The following ZNF133 variants were observed in gnomAD, a reference collection of about 807,000 sequenced individuals.
The protein encoded by ZNF133 is zinc finger protein 133.
ZNF133 carries 26 observed loss-of-function variants against 54.9 expected under a neutral mutation model. That is an observed-to-expected ratio of 0.47 (90% CI 0.35 to 0.66). ZNF133 has a LOEUF of 0.66. Among genes scored for constraint, ZNF133 ranks in the 30% least tolerant of loss-of-function variants. The pLI, the probability that ZNF133 is intolerant of heterozygous loss-of-function variation, is 0.01. For missense variants in ZNF133, 653 were observed against 820.8 expected (o/e 0.80, Z 2.50); for synonymous variants, 298 against 320.3 (o/e 0.93, Z 0.74).
At chr20:18,296,736 C>A (rs2042307630) in intron 1 of ZNF133, among the ~76,000 whole-genome samples, 1 of 152,200 alleles carries the variant, frequency 6.6e-6, no homozygotes, top group Non-Finnish European at 1.5e-5. Context: ...CATGAGCGCA[C>A]AAGTATCTGT....
Position 18,316,758 on chromosome 20 carries a change from T to C in ZNF133, c.1907T>C (p.Val636Ala). The change falls in exon 7 of 7, where the codon GTG becomes GCG. Residue 636 changes from valine (V) to alanine (A), a missense_variant. Val to Ala is a moderately conservative substitution (Grantham distance 64). Transcript: ENST00000425686. Reference protein sequence around the residue: ...KTTSVHHRLPVQPDPEPCAGQ... With the variant: ...KTTSVHHRLPAQPDPEPCAGQ... Reference sequence around the variant, plus strand: ...ACGTCTGTCCACCACAGACTGCCAGTGCAGCCCGACCCTGAGCCGTGTGCA... The same window carrying C: ...ACGTCTGTCCACCACAGACTGCCAGCGCAGCCCGACCCTGAGCCGTGTGCA... The C allele has an allele frequency of 3.1e-6, 5 of 1,614,210 alleles. No individual in the cohort carries two copies. The highest frequency in any genetic ancestry group is 4.2e-6 in the Non-Finnish European group (5 of 1,180,022).
chr20:18,300,042 G>A (rs1041659149), intron 3 of ZNF133, among the ~76,000 whole-genome samples: 1 of 152,154 alleles, frequency 6.6e-6, no homozygotes, highest in African/African-American at 2.4e-5. Flanking sequence ...TACACAGGTA[G>A]TAATATAAGC....
chr20:18,289,410 T>C (rs1260821129), intron 1 of ZNF133, among the ~76,000 whole-genome samples: 1 of 152,218 alleles, frequency 6.6e-6, no homozygotes, highest in African/African-American at 2.4e-5. Flanking sequence ...TAGAACTCTA[T>C]AGACCAGATC....
intron 1 of ZNF133, among the ~76,000 whole-genome samples, chr20:18,290,497 C>G (rs948781909): frequency 6.6e-6 from 1 of 152,158 alleles, no homozygotes; most frequent in Admixed American, 6.5e-5. Flanking sequence ...AACATAACCA[C>G]AATTTCATTG....
chr20:18,316,616 C>T lies in ZNF133; in HGVS notation c.1765C>T (p.Gln589Ter). ...CAGAGAGTGTGGCCAAGGCTTTCTC[C>T]AAAAGTCACACCTCACCTTACATCA... ...VCRECGQGFLQKSHLTLHQMT... is the reference protein window; with the variant it reads ...VCRECGQGFL Residue 589 changes from glutamine (Q) to a stop codon, truncating the protein, a stop_gained, in exon 7 of 7, where the codon CAA becomes TAA. Coordinates refer to ENST00000425686, the MANE Select transcript of ZNF133 (RefSeq NM_001352452.2). LOFTEE classifies it high-confidence loss of function. 1 of 1,614,000 alleles carries T rather than the reference C, an allele frequency of 6.2e-7. No individual in the cohort carries two copies.
At chr20:18,311,382 A>G (rs1210407464) in intron 6 of ZNF133, among the ~76,000 whole-genome samples, 1 of 152,184 alleles carries the variant, frequency 6.6e-6, no homozygotes, top group Non-Finnish European at 1.5e-5. Flanking sequence ...TAGAGCTTTT[A>G]TTTCTAAGTT....
chr20:18,302,316 T>C (rs2043537430), intron 3 of ZNF133, among the ~76,000 whole-genome samples: 1 of 151,362 alleles, frequency 6.6e-6, no homozygotes, highest in African/African-American at 2.4e-5. Flanking sequence ...GGCAGGAGAA[T>C]TGCTTGGACC....
chr20:18,316,552 ACACAAGCGGGCT>A lies in ZNF133; in HGVS notation c.1705_1716del (p.Lys569_His572del). 6.2e-7 allele frequency: 1 copy of A among 1,614,000 alleles called. No homozygotes were observed. The highest frequency in any genetic ancestry group is 8.5e-7 in the Non-Finnish European group (1 of 1,179,890). On this transcript the variant is annotated inframe_deletion, in exon 7 of 7. Coordinates refer to ENST00000425686, the MANE Select transcript of ZNF133 (RefSeq NM_001352452.2). The stretch of plus-strand genomic sequence containing the variant: ...TTGGCAATAAGTCAGCTCTAATTAC[ACACAAGCGGGCT>A]CACTCGGAAGAGAAGCCTTGTGTGT...
chr20:18,315,389 G>A lies in ZNF133; in HGVS notation c.538G>A (p.Gly180Ser), dbSNP rs540051668. ...PQRQPVSSRNGLRGVELEASP... is the reference protein window; with the variant it reads ...PQRQPVSSRNSLRGVELEASP... ...GAGGCAGCCAGTCAGCTCTCGGAAC[G>A]GCCTCAGAGGGGTGGAGTTAGAAGC... is the stretch of plus-strand genomic sequence containing the variant. Residue 180 changes from glycine to serine, a missense_variant, in exon 7 of 7, where the codon GGC becomes AGC. By Grantham distance (56) the Gly-to-Ser change is moderately conservative (BLOSUM62 0). Transcript: ENST00000425686. 23 of 1,614,184 alleles carry A rather than the reference G, an allele frequency of 1.4e-5. No homozygotes were observed. The highest frequency in any genetic ancestry group is 1.2e-4 in the African/African-American group (9 of 75,038).
intron 1 of ZNF133, chr20:18,295,061 A>G (rs918751436): frequency 6.6e-6 from 1 of 152,198 alleles, no homozygotes; most frequent in African/African-American, 2.4e-5. Flanking sequence ...TGAAGGTTTG[A>G]TAGAATTTCC....
chr20:18,313,518 G>A (rs1421912802), intron 6 of ZNF133: 1 of 152,196 alleles, frequency 6.6e-6, no homozygotes, highest in African/African-American at 2.4e-5. Context: ...ACTGCTGAAA[G>A]ACCTACTTAC....
Position 18,315,279 on chromosome 20 carries a change from C to A in ZNF133, c.428C>A (p.Ala143Glu), listed in dbSNP as rs887230293. ...ASEGRPWSDQ[A>E]EGPEGEGAMP... The stretch of plus-strand genomic sequence containing the variant: ...GAGGGGAGACCCTGGAGTGATCAAG[C>A]AGAAGGTCCTGAGGGAGAAGGTGCC... The change falls in exon 7 of 7, where the codon GCA becomes GAA. Residue 143 changes from alanine to glutamate, a missense_variant. This residue lies in a region of ZNF133 where 227 missense variants were observed against 233.9 expected (regional missense o/e 0.97). Coordinates refer to ENST00000425686, the MANE Select transcript of ZNF133 (RefSeq NM_001352452.2). 6.2e-6 allele frequency: 10 copies of A among 1,614,058 alleles called. No individual in the cohort carries two copies. The highest frequency in any genetic ancestry group is 8.5e-6 in the Non-Finnish European group (10 of 1,180,018).
intron 3 of ZNF133, among the ~76,000 whole-genome samples, chr20:18,302,608 T>A (rs995645493): frequency 1.3e-5 from 2 of 152,184 alleles, no homozygotes; most frequent in African/African-American, 4.8e-5. Context: ...GGTGAAAGAC[T>A]GAAAGCTCCA....
At chr20:18,311,000 A>T (rs1229585643) in intron 6 of ZNF133, among the ~76,000 whole-genome samples, 1 of 152,130 alleles carries the variant, frequency 6.6e-6, no homozygotes, top group African/African-American at 2.4e-5. Flanking sequence ...GCCTGGTAAG[A>T]GGTAACACAG....
chr20:18,315,027 C>T, intron 6 of ZNF133, 42 bp from the exon 7 acceptor site: 1 of 1,506,686 alleles, frequency 6.6e-7, no homozygotes. Context: ...CTCAGGCTGC[C>T]CACTGAGGAC....
intron 5 of ZNF133, 67 bp from the exon 6 acceptor site, chr20:18,306,202 ACTACCTTTGAAGTTTCCTAGGCTGTTTAG>A: frequency 1.7e-6 from 2 of 1,182,602 alleles, no homozygotes; most frequent in Non-Finnish European, 2.4e-6. Context: ...AGGGCTTTGT[ACTACCTTTGAAGTTTCCTAGGCTGTTTAG>A]CTTTGAATTC....
At chr20:18,297,607 C>T (rs62205465) in intron 1 of ZNF133, among the ~76,000 whole-genome samples, 43,342 of 151,182 alleles carry the variant, frequency 0.29, 6,437 homozygotes, top group Middle Eastern at 0.35. Flanking sequence ...CAACTGTTTG[C>T]GTGTCTGCAT....
At chr20:18,295,824 G>T (rs2042123779) in intron 1 of ZNF133, among the ~76,000 whole-genome samples, 1 of 151,852 alleles carries the variant, frequency 6.6e-6, no homozygotes, top group Non-Finnish European at 1.5e-5. Context: ...ACCAAATCTG[G>T]CTATTTTTTA....
chr20:18,315,393 TCA>T lies in ZNF133; in HGVS notation c.543_544del (p.Val184GlyfsTer13), dbSNP rs1489126918. On this transcript the variant is annotated frameshift_variant, in exon 7 of 7. Coordinates refer to ENST00000425686, the MANE Select transcript of ZNF133 (RefSeq NM_001352452.2). LOFTEE classifies it high-confidence loss of function. Reference sequence around the variant, plus strand: ...CAGCCAGTCAGCTCTCGGAACGGCCTCAGAGGGGTGGAGTTAGAAGCCAGCCC... The same window carrying T: ...CAGCCAGTCAGCTCTCGGAACGGCCTGAGGGGTGGAGTTAGAAGCCAGCCC... 1 of 1,614,034 alleles carries T rather than the reference TCA, an allele frequency of 6.2e-7. No homozygotes were observed.
Sources: allele counts gnomAD v4.1 joint callset (sites outside exome capture counted in the v4.1 genomes callset), GRCh38; gene constraint gnomAD v4.1.1; regional missense constraint gnomAD v4.1.1; transcripts MANE v1.5; gene names NCBI Gene and HGNC (gene_info 2026-07-23, HGNC 2026-07-21).